NAALADL2: variants seen among roughly 807,000 people sequenced by gnomAD.
NAALADL2 encodes the protein N-acetylated alpha-linked acidic dipeptidase like 2.
A neutral mutation model predicts 87.2 loss-of-function variants in NAALADL2; 76 were observed. The observed-to-expected ratio is 0.87, with a 90% confidence interval of 0.72 to 1.05. The LOEUF is 1.05. NAALADL2 is among the 50% of genes least tolerant of loss of function. The probability of loss-of-function intolerance (pLI) is 0.00; values close to 1 mark genes in which losing one functional copy is unlikely to be tolerated. For synonymous variants in NAALADL2, 354 were observed against 331.0 expected (o/e 1.07, Z -0.75); for missense variants, 1,089 against 945.8 (o/e 1.15, Z -1.99).
intron 3 of NAALADL2, among the ~76,000 whole-genome samples, chr3:174,825,319 G>T (rs1043431338): frequency 6.6e-6 from 1 of 152,206 alleles, no homozygotes; most frequent in Non-Finnish European, 1.5e-5. Context: ...ATAACTTGGG[G>T]GAAGTCAGGG....
chr3:175,787,997 C>G (rs1752297658), intron 13 of NAALADL2, among the ~76,000 whole-genome samples: 1 of 151,658 alleles, frequency 6.6e-6, no homozygotes. Flanking sequence ...TTCACATTCT[C>G]TTACCACTCA....
At chr3:174,523,702 T>A (rs1189322804) in intron 1 of NAALADL2, among the ~76,000 whole-genome samples, 1 of 152,212 alleles carries the variant, frequency 6.6e-6, no homozygotes, top group Non-Finnish European at 1.5e-5. Flanking sequence ...AACTTTAACC[T>A]ACCTGAGGCT....
chr3:175,328,302 G>A (rs867320512), intron 5 of NAALADL2, among the ~76,000 whole-genome samples: 32 of 151,892 alleles, frequency 2.1e-4, no homozygotes, highest in South Asian at 2.1e-4. Context: ...ATGGTACTTT[G>A]AATCAATATT....
chr3:174,806,786 C>A (rs1362336511), intron 3 of NAALADL2, among the ~76,000 whole-genome samples: 15 of 152,024 alleles, frequency 9.9e-5, no homozygotes, highest in Non-Finnish European at 2.9e-5. Context: ...TATGTATATC[C>A]AAATATCTTC....
chr3:174,882,425 T>TTG (rs72490338), intron 1 of NAALADL2, among the ~76,000 whole-genome samples: 53,300 of 149,232 alleles, frequency 0.36, 10,258 homozygotes, highest in African/African-American at 0.52. Flanking sequence ...TGTATGTGTG[T>TTG]TGTGTGTGTG....
intron 2 of NAALADL2, among the ~76,000 whole-genome samples, chr3:174,552,015 C>CT (rs1364455266): frequency 3.3e-5 from 5 of 152,138 alleles, no homozygotes; most frequent in Non-Finnish European, 5.9e-5. Context: ...TAATATTCCT[C>CT]TTTTACAGTT....
Position 174,956,076 on chromosome 3 carries a change from G to A in NAALADL2, c.43+96626G>A, listed in dbSNP as rs1330555175. ...ATGATATGGAAAACAAAAACACTAG[G>A]TTGTTAATTTCTAAACCCTGCTGGG... On this transcript the variant is annotated intron_variant, in intron 1 of 13. Coordinates refer to ENST00000454872, the MANE Select transcript of NAALADL2 (RefSeq NM_207015.3). Among the ~76,000 whole-genome samples the A allele has an allele frequency of 2.6e-5, 4 of 152,144 alleles. No homozygotes were observed. The East Asian group carries it at 7.7e-4, about 29-fold the overall frequency.
chr3:175,768,150 C>T (rs997957557), intron 13 of NAALADL2, among the ~76,000 whole-genome samples: 1 of 152,018 alleles, frequency 6.6e-6, no homozygotes. Flanking sequence ...AATACGTGTC[C>T]ATATCAAACA....
intron 13 of NAALADL2, among the ~76,000 whole-genome samples, chr3:175,757,985 T>C (rs1747482208): frequency 6.6e-6 from 1 of 152,062 alleles, no homozygotes; most frequent in South Asian, 2.1e-4. Flanking sequence ...TAGTAAGCTT[T>C]CCCCATTTGT....
At chr3:174,953,824 A>G (rs973017300) in intron 1 of NAALADL2, among the ~76,000 whole-genome samples, 5 of 152,052 alleles carry the variant, frequency 3.3e-5, no homozygotes, top group Non-Finnish European at 7.4e-5. Context: ...TTCTCATGGA[A>G]TTAATCACTT....
chr3:175,528,980 C>T (rs1485282153), intron 9 of NAALADL2, among the ~76,000 whole-genome samples: 1 of 152,216 alleles, frequency 6.6e-6, no homozygotes, highest in Non-Finnish European at 1.5e-5. Flanking sequence ...TTGCCTTCAG[C>T]AAGCACCTCA....
At chr3:175,095,075 T>G (rs1305295627) in intron 1 of NAALADL2, among the ~76,000 whole-genome samples, 1 of 151,998 alleles carries the variant, frequency 6.6e-6, no homozygotes, top group Non-Finnish European at 1.5e-5. Context: ...TCCTAGTTTT[T>G]TCCTCAGCAT....
Position 175,755,343 on chromosome 3 carries a change from T to A in NAALADL2, c.2114T>A (p.Ile705Asn), listed in dbSNP as rs1282066828. The change falls in exon 13 of 14, where the codon ATC (isoleucine) becomes AAC (asparagine). Residue 705 changes from isoleucine to asparagine, a missense_variant. Physicochemically the swap from Ile to Asn is moderately radical, Grantham distance 149. Coordinates refer to ENST00000454872, the MANE Select transcript of NAALADL2 (RefSeq NM_207015.3). ...CCCAAGGAGAGAGCACCCATCCGCA[T>A]CCGGATGCTGAATGACATTCTCCAA... ...NDPKERAPIR[I>N]RMLNDILQDM... The A allele has an allele frequency of 6.2e-7, 1 of 1,613,074 alleles. No individual in the cohort carries two copies. The highest frequency in any genetic ancestry group is 1.1e-5 in the South Asian group (1 of 90,868).
intron 10 of NAALADL2, among the ~76,000 whole-genome samples, chr3:175,585,656 G>T (rs1582508666): frequency 6.6e-6 from 1 of 151,794 alleles, no homozygotes; most frequent in African/African-American, 2.4e-5. Context: ...AATATAAGTG[G>T]AATGAATTAA....
intron 1 of NAALADL2, among the ~76,000 whole-genome samples, chr3:174,526,647 A>G (rs1318397243): frequency 6.6e-6 from 1 of 151,224 alleles, no homozygotes; most frequent in East Asian, 2.0e-4. Flanking sequence ...TAATAATTGT[A>G]TTTGGTAACA....
intron 2 of NAALADL2, among the ~76,000 whole-genome samples, chr3:175,219,336 T>C (rs527862020): frequency 6.6e-6 from 1 of 152,286 alleles, no homozygotes; most frequent in South Asian, 2.1e-4. Flanking sequence ...TATAACTATT[T>C]CTATTTTCTG....
intron 12 of NAALADL2, among the ~76,000 whole-genome samples, chr3:175,754,814 G>A (rs1165878256): frequency 6.6e-6 from 1 of 152,148 alleles, no homozygotes; most frequent in African/African-American, 2.4e-5. Flanking sequence ...TATGTGACAA[G>A]CAAGTTTTGG....
chr3:174,473,354 G>A (rs1717023090), intron 1 of NAALADL2, among the ~76,000 whole-genome samples: 1 of 152,082 alleles, frequency 6.6e-6, no homozygotes, highest in African/African-American at 2.4e-5. Flanking sequence ...ACAAAGGATC[G>A]TGTATCTCCA....
chr3:174,917,026 G>A (rs1018644713), intron 1 of NAALADL2, among the ~76,000 whole-genome samples: 4 of 151,928 alleles, frequency 2.6e-5, no homozygotes, highest in South Asian at 2.1e-4. Context: ...GTGGTAAAGC[G>A]TTTCAGACTG....
Sources: gnomAD v4.1 joint callset for allele counts (sites outside exome capture counted in the v4.1 genomes callset) on GRCh38, gnomAD v4.1.1 for gene constraint, MANE v1.5 for transcripts, NCBI Gene and HGNC (gene_info 2026-07-23, HGNC 2026-07-21) for gene names.